GARNL3: variants seen among roughly 807,000 people sequenced by gnomAD.
The protein encoded by GARNL3 is GTPase activating Rap/RanGAP domain like 3, also known as GTPase-activating Rap/Ran-GAP domain-like protein 3.
In GARNL3, 63 loss-of-function variants were observed where a neutral mutation model predicts 125.0. That is an observed-to-expected ratio of 0.50 (90% CI 0.41 to 0.62). The LOEUF (loss-of-function observed/expected upper bound fraction) is 0.62, where lower values mean the gene tolerates loss of function less well. Among genes scored for constraint, GARNL3 ranks in the 20% least tolerant of loss-of-function variants. The pLI, the probability that GARNL3 is intolerant of heterozygous loss-of-function variation, is 0.00. For missense variants in GARNL3, 994 were observed against 1,244.0 expected, an observed-to-expected ratio of 0.80 and a Z score of 3.02; for synonymous variants, 439 against 457.5, an observed-to-expected ratio of 0.96 and a Z score of 0.52.
chr9:127,251,244 T>G (rs1287313107), intron 2 of GARNL3, among the ~76,000 whole-genome samples: 1 of 152,238 alleles, frequency 6.6e-6, no homozygotes, highest in East Asian at 1.9e-4. Context: ...AGCCTGGTTG[T>G]TTTCTTGTCG....
In GARNL3 at chr9:127,383,557, C is replaced by T; in HGVS notation, c.2269+12C>T. On this transcript the variant is annotated intron_variant, in intron 23 of 27. Transcript: ENST00000373387. ...TCCCTATGCAATTGGTAAGAAAAGT[C>T]TTTATCATAATGCTTTTCTCCTTCA... 6.5e-7 allele frequency: 1 copy of T among 1,543,794 alleles called. No individual in the cohort carries two copies. Among genetic ancestry groups the T allele is most frequent in the Non-Finnish European group, 8.9e-7 (1 of 1,120,700 alleles).
At chr9:127,273,677 G>C (rs991006912) in intron 1 of GARNL3, among the ~76,000 whole-genome samples, 8 of 152,130 alleles carry the variant, frequency 5.3e-5, no homozygotes, top group African/African-American at 1.9e-4. Context: ...AGATCTTGGT[G>C]GTGTGTTGCT....
intron 17 of GARNL3, among the ~76,000 whole-genome samples, chr9:127,353,018 A>G (rs1027711083): frequency 2.0e-5 from 3 of 152,158 alleles, no homozygotes; most frequent in Non-Finnish European, 4.4e-5. Flanking sequence ...ACAGAACTGA[A>G]TGGAACAGCC....
chr9:127,327,287 G>A (rs2065604558), intron 7 of GARNL3, among the ~76,000 whole-genome samples: 1 of 152,172 alleles, frequency 6.6e-6, no homozygotes, highest in East Asian at 1.9e-4. Context: ...AGCTAAACAA[G>A]TAAACAAACA....
chr9:127,336,701 T>C (rs1480452573), intron 11 of GARNL3, among the ~76,000 whole-genome samples: 1 of 152,254 alleles, frequency 6.6e-6, no homozygotes, highest in Non-Finnish European at 1.5e-5. Flanking sequence ...ATAGTATTTT[T>C]ATCTGATTCC....
chr9:127,243,110 G>C lies in GARNL3; in HGVS notation c.4G>C (p.Asp2His), dbSNP rs774229673. 3 of 1,363,728 alleles carry C rather than the reference G, an allele frequency of 2.2e-6. No individual in the cohort carries two copies. The South Asian group carries it at 3.4e-5, about 16-fold the overall frequency. 84.5% of individuals were successfully genotyped at this position (1,363,728 alleles called of 1,614,324 possible). The stretch of plus-strand genomic sequence containing the variant: ...TGCCCAGCCTCCAGGCCCACTGATG[G>C]ACCCGTTAACGAAGGTGCCTTGTGG... Residue 2 changes from aspartate (D) to histidine (H), a missense_variant, in exon 2 of 11, where the codon GAC becomes CAC. By Grantham distance (81) the Asp-to-His change is moderately conservative. Transcript: ENST00000439286.
In GARNL3 at chr9:127,385,139, C is replaced by G. The variant is rs760145401; in HGVS notation, c.2382C>G (p.Ala794=). 6.3e-7 allele frequency: 1 copy of G among 1,598,316 alleles called. No individual in the cohort carries two copies. The highest frequency in any genetic ancestry group is 1.7e-5 in the Admixed American group (1 of 58,570). Residue 794 remains alanine (A), a synonymous_variant, in exon 24 of 28, where the codon GCC becomes GCG. Transcript: ENST00000373387. The surrounding 1 kb of genome is among the most constrained non-coding windows in gnomAD (Gnocchi z 4.1). ...TAVVPQLQLV[A]SRSDIYFTAT... ...TCGTGCCGCAGCTGCAGCTGGTGGC[C>G]TCCAGGGTGAGTAGGACTGGGATTT...
chr9:127,332,950 A>T (rs1308636693), intron 8 of GARNL3, 73 bp from the exon 9 acceptor site: 1 of 1,040,712 alleles, frequency 9.6e-7, no homozygotes, highest in East Asian at 2.4e-5. Flanking sequence ...TTTTCCAGCG[A>T]TTCCGGTCCA....
intron 1 of GARNL3, among the ~76,000 whole-genome samples, chr9:127,229,050 C>T (rs1050966873): frequency 6.6e-6 from 1 of 152,190 alleles, no homozygotes; most frequent in Non-Finnish European, 1.5e-5. Context: ...TCTCAAACTC[C>T]TGACCTCAAG....
At chr9:127,288,438 C>T (rs1203951750) in intron 1 of GARNL3, among the ~76,000 whole-genome samples, 2 of 152,062 alleles carry the variant, frequency 1.3e-5, no homozygotes, top group African/African-American at 2.4e-5. Flanking sequence ...CTGCAGGCTT[C>T]GTTGTGAGGA....
At chr9:127,247,063 C>G (rs1166808151) in intron 2 of GARNL3, among the ~76,000 whole-genome samples, 2 of 148,656 alleles carry the variant, frequency 1.3e-5, no homozygotes, top group Admixed American at 1.4e-4. Context: ...TGAGGAATAA[C>G]AGCTGTCTTA....
At chr9:127,293,146 A>G (rs967675579) in intron 2 of GARNL3, among the ~76,000 whole-genome samples, 2 of 152,202 alleles carry the variant, frequency 1.3e-5, no homozygotes, top group Non-Finnish European at 2.9e-5. Flanking sequence ...TTCTAGCCTG[A>G]TAAAAGACCT....
rs749875057 is a variant in GARNL3 at position 127,357,323 on chromosome 9, G to C, written c.2040G>C (p.Val680=). The C allele has an allele frequency of 3.1e-6, 5 of 1,614,064 alleles. No individual in the cohort carries two copies. The African/African-American group carries it at 5.3e-5, about 17-fold the overall frequency. ...TGGCTTATCGACACCAATTTGATGT[G>C]GTGAATGAGAGCACAGGAGAAGCCT... ...ICVAYRHQFD[V]VNESTGEAFR... Residue 680 remains valine (V), a synonymous_variant, in exon 21 of 28, where the codon GTG becomes GTC. Coordinates refer to ENST00000373387, the MANE Select transcript of GARNL3 (RefSeq NM_032293.5).
At chr9:127,292,178 A>G (rs933518812) in intron 2 of GARNL3, among the ~76,000 whole-genome samples, 2 of 151,946 alleles carry the variant, frequency 1.3e-5, no homozygotes, top group African/African-American at 4.8e-5. Context: ...GCATGTTTTC[A>G]CTCTTGGCCT....
chr9:127,299,042 C>T (rs2064696366), intron 2 of GARNL3, among the ~76,000 whole-genome samples: 1 of 152,136 alleles, frequency 6.6e-6, no homozygotes, highest in South Asian at 2.1e-4. Flanking sequence ...TCAGGCCAGG[C>T]ACGGTGGCTC....
rs886172961 is a variant in GARNL3, at chr9:127,313,291, CGA to C, written c.320-143_320-142del. On this transcript the variant is annotated intron_variant, in intron 3 of 27. Transcript: ENST00000373387. ...AGGGGCAGAGGAATACATGATCCCC[CGA>C]GAGAGATCAGGGTCCATCCCAAGCT... 2.5e-5 allele frequency: 17 copies of C among 680,986 alleles called. No individual in the cohort carries two copies. The African/African-American group carries it at 2.6e-4, about 11-fold the overall frequency. The allele number at this position is 680,986 out of a possible 1,614,324, so 42.2% of individuals were successfully genotyped here.
At chr9:127,251,187 C>A (rs1472049532) in intron 2 of GARNL3, among the ~76,000 whole-genome samples, 1 of 152,172 alleles carries the variant, frequency 6.6e-6, no homozygotes. Context: ...CCTAAATTCA[C>A]CTTAGTCAGC....
intron 2 of GARNL3, among the ~76,000 whole-genome samples, chr9:127,291,668 C>T (rs981823335): frequency 5.3e-5 from 8 of 151,650 alleles, no homozygotes; most frequent in East Asian, 1.9e-4. Flanking sequence ...CCTTGGGCCA[C>T]GCCTACTTTC....
At chr9:127,332,777 C>T (rs539529102) in intron 8 of GARNL3, among the ~76,000 whole-genome samples, 147 of 152,278 alleles carry the variant, frequency 9.7e-4, no homozygotes, top group Non-Finnish European at 1.7e-3. Flanking sequence ...TAGTAAACAC[C>T]TGTGGTCCCA....
Sources: allele counts gnomAD v4.1 joint callset (sites outside exome capture counted in the v4.1 genomes callset), GRCh38; gene constraint gnomAD v4.1.1; non-coding constraint Gnocchi (gnomAD v3.1); transcripts MANE v1.5; gene names NCBI Gene and HGNC (gene_info 2026-07-23, HGNC 2026-07-21).